ROBO2: variants seen among roughly 807,000 people sequenced by gnomAD.
ROBO2 encodes roundabout homolog 2.
Under a neutral mutation model 160.8 loss-of-function variants are expected in ROBO2, and 53 were observed. The observed-to-expected ratio is 0.33, with a 90% CI of 0.26 to 0.41. ROBO2 has a LOEUF of 0.41. ROBO2 is among the 10% of genes least tolerant of loss of function. The pLI, the probability that ROBO2 is intolerant of heterozygous loss-of-function variation, is 1.00. For synonymous variants in ROBO2, 664 were observed against 611.7 expected (o/e 1.09, Z -1.26); for missense variants, 1,577 against 1,722.4 (o/e 0.92, Z 1.49).
intron 2 of ROBO2, among the ~76,000 whole-genome samples, chr3:76,660,924 G>C (rs1047372266): frequency 6.6e-6 from 1 of 151,926 alleles, no homozygotes; most frequent in African/African-American, 2.4e-5. Flanking sequence ...TATATCTATA[G>C]GTAGAAAAAT....
intron 2 of ROBO2, among the ~76,000 whole-genome samples, chr3:76,091,235 T>C (rs1456858532): frequency 6.6e-6 from 1 of 151,726 alleles, no homozygotes; most frequent in African/African-American, 2.4e-5. Context: ...CTCTTAAAAC[T>C]CAACAATAAA....
At chr3:76,263,815 A>C (rs1559696989) in intron 2 of ROBO2, among the ~76,000 whole-genome samples, 1 of 152,170 alleles carries the variant, frequency 6.6e-6, no homozygotes, top group Non-Finnish European at 1.5e-5. Flanking sequence ...ACTTGGAACC[A>C]ACCCAAATGA....
intron 2 of ROBO2, among the ~76,000 whole-genome samples, chr3:76,504,519 CTTTTTTTTTTTTTTTT>C (rs57591523): frequency 8.2e-5 from 6 of 73,522 alleles, no homozygotes; most frequent in Non-Finnish European, 1.4e-4. Context: ...AGAAAATACT[CTTTTTTTTTTTTTTTT>C]TTTTTTTTTT....
chr3:77,429,342 C>G (rs1191652794), intron 2 of ROBO2, among the ~76,000 whole-genome samples: 1 of 152,090 alleles, frequency 6.6e-6, no homozygotes, highest in African/African-American at 2.4e-5. Flanking sequence ...ATTTTTAAGC[C>G]ATTATTATAG....
intron 2 of ROBO2, among the ~76,000 whole-genome samples, chr3:77,411,683 T>C (rs1047825133): frequency 2.6e-5 from 4 of 152,204 alleles, no homozygotes; most frequent in Non-Finnish European, 4.4e-5. Context: ...TATACACATG[T>C]ATATGTATAT....
Position 76,896,600 on chromosome 3 carries a change from C to T in ROBO2, c.110-201414C>T, listed in dbSNP as rs1304715246. On this transcript the variant is annotated intron_variant, in intron 2 of 26. Transcript: ENST00000487694. ...TCCTCAATTCTTAATTGAGAATGTC[C>T]GGTTCAGTTAAAAAAGTTAGTATTA... Among the ~76,000 whole-genome samples, 7 of 151,954 alleles carry T rather than the reference C, an allele frequency of 4.6e-5. No individual in the cohort carries two copies. In the South Asian group the frequency reaches 6.2e-4, roughly 14 times the overall value.
intron 5 of ROBO2, among the ~76,000 whole-genome samples, chr3:77,506,394 C>A (rs1444793048): frequency 6.6e-6 from 1 of 152,092 alleles, no homozygotes; most frequent in Non-Finnish European, 1.5e-5. Flanking sequence ...TTCTTTATCT[C>A]CCCAACTCCC....
intron 2 of ROBO2, among the ~76,000 whole-genome samples, chr3:77,368,693 A>AT (rs1312128546): frequency 6.6e-6 from 1 of 152,188 alleles, no homozygotes; most frequent in Admixed American, 6.5e-5. Context: ...TTAATGGTTT[A>AT]TTTAGATCTT....
rs756511817 is a variant in ROBO2, at chr3:77,596,521, A to C, written c.2727-102A>C. On this transcript the variant is annotated intron_variant, in intron 18 of 25. Transcript: ENST00000461745. ...AGTCTACTTATATTAATTTGAAGTC[A>C]ATGAAAATCTTCCATTTCTTAACGC... 4 of 1,410,728 alleles carry C rather than the reference A, an allele frequency of 2.8e-6. No individual in the cohort carries two copies. In the South Asian group the frequency reaches 3.5e-5, roughly 12 times the overall value. 87.4% of individuals were successfully genotyped at this position (1,410,728 alleles called of 1,614,324 possible). A position where few individuals can be genotyped will look rare whatever the true frequency, so the allele number is the denominator to read the frequency against.
intron 5 of ROBO2, among the ~76,000 whole-genome samples, chr3:77,516,881 A>G (rs2090076151): frequency 6.6e-6 from 1 of 151,622 alleles, no homozygotes; most frequent in South Asian, 2.1e-4. Context: ...CCATGCTATA[A>G]AGAAGTAGAG....
intron 2 of ROBO2, among the ~76,000 whole-genome samples, chr3:76,793,951 T>C (rs144398959): frequency 0.015 from 2,213 of 152,054 alleles, 57 homozygotes; most frequent in African/African-American, 0.049. Context: ...TTTGAGATCA[T>C]TGTCCATCTA....
intron 2 of ROBO2, among the ~76,000 whole-genome samples, chr3:76,419,346 G>T (rs1235365392): frequency 1.3e-5 from 2 of 152,144 alleles, no homozygotes; most frequent in Non-Finnish European, 2.9e-5. Flanking sequence ...TCACTTTTCA[G>T]CATAGGCGTA....
chr3:76,293,523 C>A (rs571325244), intron 2 of ROBO2, among the ~76,000 whole-genome samples: 7 of 151,376 alleles, frequency 4.6e-5, no homozygotes, highest in African/African-American at 9.7e-5. Flanking sequence ...GCCTTGAATC[C>A]AAAAAAAAGT....
intron 2 of ROBO2, among the ~76,000 whole-genome samples, chr3:77,456,826 C>CT (rs1182142405): frequency 2.6e-5 from 4 of 152,130 alleles, no homozygotes; most frequent in Non-Finnish European, 5.9e-5. Flanking sequence ...GGCCAGTGTC[C>CT]TTTCATGTCA....
intron 2 of ROBO2, among the ~76,000 whole-genome samples, chr3:76,240,166 T>C (rs1387479754): frequency 6.6e-6 from 1 of 152,132 alleles, no homozygotes; most frequent in Non-Finnish European, 1.5e-5. Context: ...AGTTCTGGGG[T>C]ACCTATGCAG....
chr3:75,973,950 A>T (rs1054174012), intron 2 of ROBO2, among the ~76,000 whole-genome samples: 1 of 151,576 alleles, frequency 6.6e-6, no homozygotes, highest in African/African-American at 2.4e-5. Flanking sequence ...ATGAGTAGTT[A>T]AGGTAGGGAT....
At chr3:76,385,713 T>G (rs2076851104) in intron 2 of ROBO2, among the ~76,000 whole-genome samples, 1 of 152,246 alleles carries the variant, frequency 6.6e-6, no homozygotes, top group Non-Finnish European at 1.5e-5. Flanking sequence ...GTTATTTTCA[T>G]TAAGTTTATT....
chr3:77,629,504 T>G (rs1249376003), intron 23 of ROBO2: 1 of 152,136 alleles, frequency 6.6e-6, no homozygotes. Context: ...GCCAAGTGCA[T>G]TAAGATGGAT....
intron 2 of ROBO2, among the ~76,000 whole-genome samples, chr3:75,972,275 T>G (rs1576341659): frequency 6.6e-6 from 1 of 151,498 alleles, no homozygotes; most frequent in Non-Finnish European, 1.5e-5. Flanking sequence ...TACCACAAAA[T>G]AGTATACTTG....
Sources: gnomAD v4.1 joint callset for allele counts (sites outside exome capture counted in the v4.1 genomes callset) on GRCh38, gnomAD v4.1.1 for gene constraint, MANE v1.5 for transcripts, NCBI Gene and HGNC (gene_info 2026-07-23, HGNC 2026-07-21) for gene names.